Variants in TRPM3 observed in about 807,000 individuals in gnomAD.
TRPM3 encodes the protein transient receptor potential cation channel subfamily M member 3.
TRPM3 carries 77 observed loss-of-function variants against 181.2 expected under a neutral mutation model. The ratio of observed to expected loss-of-function variants is 0.42; its 90% confidence interval spans 0.35 to 0.51. The LOEUF (loss-of-function observed/expected upper bound fraction) is 0.51, where lower values mean the gene tolerates loss of function less well. Ranked by LOEUF, TRPM3 falls within the 20% of genes least tolerant of loss-of-function variation. TRPM3 has a pLI of 0.01. For synonymous variants in TRPM3, 745 were observed against 796.4 expected (o/e 0.94, Z 1.09); for missense variants, 1,759 against 2,196.7 (o/e 0.80, Z 3.98).
intron 1 of TRPM3, among the ~76,000 whole-genome samples, chr9:71,384,678 T>G (rs1381825122): frequency 6.6e-6 from 1 of 152,254 alleles, no homozygotes. Context: ...CTTAGGATTT[T>G]TAGGCAATGC....
intron 1 of TRPM3, among the ~76,000 whole-genome samples, chr9:71,441,497 AAAC>A (rs1278687431): frequency 1.3e-5 from 2 of 152,214 alleles, no homozygotes; most frequent in Non-Finnish European, 2.9e-5. Context: ...CTGAAAAAGG[AAAC>A]AACAATTCTT....
chr9:70,903,404 C>A (rs1467005723), intron 1 of TRPM3, among the ~76,000 whole-genome samples: 2 of 152,148 alleles, frequency 1.3e-5, no homozygotes, highest in Non-Finnish European at 2.9e-5. Flanking sequence ...GGCGCCCCTA[C>A]ATGAACATTC....
intron 1 of TRPM3, among the ~76,000 whole-genome samples, chr9:71,298,310 T>C (rs1266205753): frequency 6.6e-6 from 1 of 152,146 alleles, no homozygotes; most frequent in East Asian, 1.9e-4. Context: ...TCTGGTTGGG[T>C]CAATCCAACA....
chr9:71,323,762 G>A (rs577166425), intron 1 of TRPM3, among the ~76,000 whole-genome samples: 33 of 152,250 alleles, frequency 2.2e-4, no homozygotes, highest in Middle Eastern at 3.4e-3. Context: ...AAGTTGACAC[G>A]TTAAGATGAG....
At chr9:71,227,812 A>G (rs755886741) in intron 1 of TRPM3, among the ~76,000 whole-genome samples, 2 of 152,322 alleles carry the variant, frequency 1.3e-5, no homozygotes, top group African/African-American at 4.8e-5. Flanking sequence ...TGAATAGACC[A>G]GTGACAAGTA....
At chr9:71,282,910 C>G (rs536794234) in intron 1 of TRPM3, among the ~76,000 whole-genome samples, 1 of 152,202 alleles carries the variant, frequency 6.6e-6, no homozygotes. Flanking sequence ...CCCCTCGGGG[C>G]ACCGCTGGAC....
chr9:70,784,088 C>T lies in TRPM3; in HGVS notation c.1148+17G>A. 6.2e-7 allele frequency: 1 copy of T among 1,610,096 alleles called. No individual in the cohort carries two copies. Among genetic ancestry groups the T allele is most frequent in the Non-Finnish European group, 8.5e-7 (1 of 1,177,756 alleles). ...CAGGCTTTAGGGTTCTTCCATGGGG[C>T]CTGGAAAGTTACCTACCCGCCTTCT... On this transcript the variant is annotated intron_variant, in intron 7 of 25. Coordinates refer to ENST00000677713, the MANE Select transcript of TRPM3 (RefSeq NM_001366145.2).
At position 71,059,011 on chromosome 9, in the gene TRPM3, A is replaced by ATTTTTTTTTTTTTTTTTTTTTTTTTTT. The variant is rs1162577364; in HGVS notation, c.177+62140_177+62166dup. Among the ~76,000 whole-genome samples, 4 of 52,640 alleles carry ATTTTTTTTTTTTTTTTTTTTTTTTTTT rather than the reference A, an allele frequency of 7.6e-5. 1 individual carries two copies. Among genetic ancestry groups the ATTTTTTTTTTTTTTTTTTTTTTTTTTT allele is most frequent in the Non-Finnish European group, 6.3e-5 (2 of 31,714 alleles). The allele number at this position is 52,640 out of a possible 152,430, so 34.5% of individuals were successfully genotyped here. On this transcript the variant is annotated intron_variant, in intron 1 of 25. Transcript: ENST00000677713. ...ATTTCTCTGAAGTTTTTGTTTGTTC[A>ATTTTTTTTTTTTTTTTTTTTTTTTTTT]TTTTTTTTTTTTTTTTTTTTTTTTT... is the stretch of plus-strand genomic sequence containing the variant.
At chr9:71,221,761 G>A (rs1433129594) in intron 1 of TRPM3, among the ~76,000 whole-genome samples, 1 of 152,174 alleles carries the variant, frequency 6.6e-6, no homozygotes, top group African/African-American at 2.4e-5. Context: ...ACCCCATCTG[G>A]CAATGGCTAA....
In TRPM3 at chr9:70,531,617, T is replaced by C. The variant is rs2040882811; in HGVS notation, c.*4336A>G. On this transcript the variant is annotated 3_prime_UTR_variant, in exon 26 of 26. Coordinates refer to ENST00000677713, the MANE Select transcript of TRPM3 (RefSeq NM_001366145.2). ...AACCACCTACACACTAGTATCACTT[T>C]ATCTAGAAACAACATAGTGTTACTA... is the stretch of plus-strand genomic sequence containing the variant. 6.6e-6 allele frequency: 1 copy of C among 152,240 alleles called. No individual in the cohort carries two copies. The highest frequency in any genetic ancestry group is 1.5e-5 in the Non-Finnish European group (1 of 68,044). 9.4% of individuals were successfully genotyped at this position (152,240 alleles called of 1,614,324 possible). A position where few individuals can be genotyped will look rare whatever the true frequency, so the allele number is the denominator to read the frequency against.
intron 1 of TRPM3, among the ~76,000 whole-genome samples, chr9:71,181,530 A>C (rs996023737): frequency 6.6e-6 from 1 of 152,118 alleles, no homozygotes; most frequent in Non-Finnish European, 1.5e-5. Context: ...AGAAGGATGC[A>C]TGACGCCTAC....
intron 24 of TRPM3, among the ~76,000 whole-genome samples, chr9:70,552,122 G>A (rs12341400): frequency 0.1 from 15,164 of 152,168 alleles, 1,198 homozygotes; most frequent in African/African-American, 0.22. Context: ...AACCATAGGA[G>A]CTTGCTGGTA....
chr9:71,119,798 T>G (rs1293858355), intron 1 of TRPM3, among the ~76,000 whole-genome samples: 1 of 152,172 alleles, frequency 6.6e-6, no homozygotes, highest in African/African-American at 2.4e-5. Flanking sequence ...CTGGCCTCAT[T>G]CTTTTTCTTG....
At chr9:70,786,962 A>G (rs879943373) in intron 6 of TRPM3, among the ~76,000 whole-genome samples, 4 of 152,120 alleles carry the variant, frequency 2.6e-5, no homozygotes, top group Non-Finnish European at 4.4e-5. Flanking sequence ...AGTACTTAGC[A>G]TGGACCTTCT....
At chr9:71,151,261 A>T (rs1001491370) in intron 1 of TRPM3, among the ~76,000 whole-genome samples, 2 of 152,154 alleles carry the variant, frequency 1.3e-5, no homozygotes, top group Non-Finnish European at 2.9e-5. Flanking sequence ...TCACAAAGGG[A>T]TACATTTTCC....
rs7040809 is a variant in TRPM3, at chr9:70,629,719, A to T, written c.1633-4202T>A. Among the ~76,000 whole-genome samples, 4 of 152,206 alleles carry T rather than the reference A, an allele frequency of 2.6e-5. No homozygotes were observed. In the East Asian group the frequency reaches 5.8e-4, roughly 22 times the overall value. On this transcript the variant is annotated intron_variant, in intron 12 of 25. Coordinates refer to ENST00000677713, the MANE Select transcript of TRPM3 (RefSeq NM_001366145.2). ...TGGATGAAGGATTAGGCGCTAAGGAATGAGTCAGATGCTCTCCTGTAAGTG... is the reference window on the plus strand; with the variant it reads ...TGGATGAAGGATTAGGCGCTAAGGATTGAGTCAGATGCTCTCCTGTAAGTG...
chr9:71,246,341 C>T (rs930689768), intron 1 of TRPM3, among the ~76,000 whole-genome samples: 10 of 152,274 alleles, frequency 6.6e-5, no homozygotes, highest in African/African-American at 2.4e-4. Context: ...CAAGACAGGT[C>T]ACATTTTAGA....
chr9:71,437,604 C>A (rs1006028864), intron 1 of TRPM3, among the ~76,000 whole-genome samples: 1 of 152,130 alleles, frequency 6.6e-6, no homozygotes, highest in Non-Finnish European at 1.5e-5. Context: ...GGCGTGGGGG[C>A]TCATGCCTGT....
Position 70,753,079 on chromosome 9 carries a change from C to T in TRPM3, c.1272+8522G>A, listed in dbSNP as rs535033552. 5.3e-3 allele frequency among the ~76,000 whole-genome samples: 813 copies of T among 152,182 alleles called. 9 individuals carry two copies. The highest frequency in any genetic ancestry group is 0.018 in the African/African-American group (764 of 41,512). ...CCGACATCACACCACTGCACTCCAT[C>T]CTGGGCGACAGAGCAAGACTCTGTC... On this transcript the variant is annotated intron_variant, in intron 8 of 25. Transcript: ENST00000677713.
Sources: allele counts gnomAD v4.1 joint callset (sites outside exome capture counted in the v4.1 genomes callset), GRCh38; gene constraint gnomAD v4.1.1; transcripts MANE v1.5; gene names NCBI Gene and HGNC (gene_info 2026-07-23, HGNC 2026-07-21).